Variants in LRIG1 observed in about 807,000 individuals in gnomAD.
LRIG1 encodes leucine-rich repeats and immunoglobulin-like domains protein 1.
A neutral mutation model predicts 99.2 loss-of-function variants in LRIG1; 48 were observed. The ratio of observed to expected loss-of-function variants is 0.48; its 90% CI spans 0.38 to 0.62. The LOEUF (loss-of-function observed/expected upper bound fraction) is 0.62, where lower values mean the gene tolerates loss of function less well. LRIG1 is among the 20% of genes least tolerant of loss of function. The probability of loss-of-function intolerance (pLI) is 0.00; values close to 1 mark genes in which losing one functional copy is unlikely to be tolerated. For missense variants in LRIG1, 1,646 were observed against 1,434.4 expected (o/e 1.15, Z -2.38); for synonymous variants, 772 against 596.1 (o/e 1.29, Z -4.30).
intron 7 of LRIG1, chr3:66,409,899 G>T (rs1702408335): frequency 6.6e-6 from 3 of 457,986 alleles, no homozygotes; most frequent in East Asian, 7.2e-5. Context: ...GCTACTCCTG[G>T]AGCCCCTGCT....
At chr3:66,464,740 C>G (rs559097138) in intron 1 of LRIG1, among the ~76,000 whole-genome samples, 10 of 152,310 alleles carry the variant, frequency 6.6e-5, no homozygotes, top group Admixed American at 5.2e-4. Context: ...ACTTCCCTCA[C>G]TTCCCACCCA....
At chr3:66,479,346 G>A (rs1700796697) in intron 1 of LRIG1, among the ~76,000 whole-genome samples, 1 of 152,152 alleles carries the variant, frequency 6.6e-6, no homozygotes, top group Non-Finnish European at 1.5e-5. Flanking sequence ...CCCCTAGAGC[G>A]TCTGTAGTCT....
Position 66,379,153 on chromosome 3 carries a change from C to T in LRIG1, c.*1110G>A, listed in dbSNP as rs1700875476. On this transcript the variant is annotated 3_prime_UTR_variant, in exon 19 of 19. Coordinates refer to ENST00000273261, the MANE Select transcript of LRIG1 (RefSeq NM_015541.3). ...TCTATTTAAGTTTTACTAAATGACA[C>T]ATTGGCACTCATAAGATGGTTAGCT... The T allele has an allele frequency of 6.6e-6, 1 of 152,612 alleles. No individual in the cohort carries two copies. The highest frequency in any genetic ancestry group is 1.9e-4 in the East Asian group (1 of 5,184). 9.5% of individuals were successfully genotyped at this position (152,612 alleles called of 1,614,324 possible).
At chr3:66,395,694 G>A (rs974704934) in intron 11 of LRIG1, among the ~76,000 whole-genome samples, 45 of 152,220 alleles carry the variant, frequency 3.0e-4, no homozygotes, top group African/African-American at 9.9e-4. Context: ...TGCAGGTGGC[G>A]GAAGGGCTGT....
intron 1 of LRIG1, among the ~76,000 whole-genome samples, chr3:66,496,104 G>T (rs528081499): frequency 1.3e-5 from 2 of 152,322 alleles, no homozygotes; most frequent in East Asian, 3.9e-4. Flanking sequence ...TCTGAAGATG[G>T]TTCCGAGAAT....
At position 66,415,061 on chromosome 3, in the gene LRIG1, T is replaced by C. The variant is rs1376266457; in HGVS notation, c.506A>G (p.Asn169Ser). 28 of 1,593,972 alleles carry C rather than the reference T, an allele frequency of 1.8e-5. No homozygotes were observed. Among genetic ancestry groups the C allele is most frequent in the Non-Finnish European group, 2.3e-5 (27 of 1,171,732 alleles). The stretch of plus-strand genomic sequence containing the variant: ...GGTGCCAATCCGATTGCCTGCCAGG[T>C]TGCTGGAATGATTCAGAAAAGAAAA... ...FPHGPPIKEL[N>S]LAGNRIGTLE... The change falls in exon 5 of 19, where the codon AAC (asparagine) becomes AGC (serine). Residue 169 changes from asparagine to serine, a missense_variant and splice_region_variant. Coordinates refer to ENST00000273261, the MANE Select transcript of LRIG1 (RefSeq NM_015541.3).
intron 1 of LRIG1, among the ~76,000 whole-genome samples, chr3:66,463,048 G>A (rs1700392060): frequency 6.6e-6 from 1 of 152,106 alleles, no homozygotes; most frequent in Admixed American, 6.6e-5. Flanking sequence ...GGAGTGGGGG[G>A]TGTTACTGGC....
intron 1 of LRIG1, among the ~76,000 whole-genome samples, chr3:66,499,154 C>A (rs941027237): frequency 6.6e-6 from 1 of 152,222 alleles, no homozygotes; most frequent in South Asian, 2.1e-4. Context: ...TTGACTCATG[C>A]ACCAGATTTG....
chr3:66,500,654 G>T lies in LRIG1; in HGVS notation c.-247C>A. 1 of 291,594 alleles carries T rather than the reference G, an allele frequency of 3.4e-6. No individual in the cohort carries two copies. The highest frequency in any genetic ancestry group is 6.3e-6 in the Non-Finnish European group (1 of 158,260). The allele number at this position is 291,594 out of a possible 1,614,324, so 18.1% of individuals were successfully genotyped here. On this transcript the variant is annotated 5_prime_UTR_variant, in exon 1 of 19. Transcript: ENST00000273261. ...CATCCGGGCCGGCCGGCCCGCCCGC[G>T]CTAGCTGCGAACTCCGCCGATTCGG...
chr3:66,430,078 T>C (rs10702618), intron 3 of LRIG1, among the ~76,000 whole-genome samples: 26,982 of 152,090 alleles, frequency 0.18, 2,503 homozygotes, highest in Admixed American at 0.25. Flanking sequence ...TCAATATTTG[T>C]TGAATAAACA....
intron 2 of LRIG1, among the ~76,000 whole-genome samples, chr3:66,458,017 G>GT: frequency 6.6e-6 from 1 of 152,396 alleles, no homozygotes; most frequent in South Asian, 2.1e-4. Flanking sequence ...GGTTAGCACA[G>GT]GTTTTGAGTT....
At chr3:66,421,097 C>A (rs1443674733) in intron 3 of LRIG1, among the ~76,000 whole-genome samples, 2 of 152,168 alleles carry the variant, frequency 1.3e-5, no homozygotes, top group African/African-American at 4.8e-5. Context: ...ACTCAATCAC[C>A]TCCCACTGGG....
At chr3:66,446,012 G>T (rs1703705076) in intron 3 of LRIG1, among the ~76,000 whole-genome samples, 1 of 152,196 alleles carries the variant, frequency 6.6e-6, no homozygotes, top group Admixed American at 6.5e-5. Flanking sequence ...CTGAGCTGCA[G>T]CAGATCACAG....
At chr3:66,474,440 G>A (rs144418781) in intron 1 of LRIG1, among the ~76,000 whole-genome samples, 2 of 151,182 alleles carry the variant, frequency 1.3e-5, no homozygotes, top group African/African-American at 4.9e-5. Context: ...CTGCCTCCCT[G>A]GTTCAAGTGA....
chr3:66,412,228 G>A (rs1702489660), intron 6 of LRIG1, among the ~76,000 whole-genome samples: 1 of 152,140 alleles, frequency 6.6e-6, no homozygotes, highest in South Asian at 2.1e-4. Context: ...AACCTCCTAA[G>A]ATGAGCTCTA....
chr3:66,433,455 C>G (rs1703245863), intron 3 of LRIG1, among the ~76,000 whole-genome samples: 1 of 152,226 alleles, frequency 6.6e-6, no homozygotes, highest in South Asian at 2.1e-4. Flanking sequence ...ATTCACATGC[C>G]AGCTTCCTGA....
intron 3 of LRIG1, among the ~76,000 whole-genome samples, chr3:66,431,001 C>T (rs1041273643): frequency 5.3e-5 from 8 of 152,076 alleles, no homozygotes; most frequent in East Asian, 1.9e-4. Context: ...TCCACCACAC[C>T]GAGACCCCGC....
rs540256847 is a variant in LRIG1 at position 66,475,391 on chromosome 3, G to T, written c.219-12882C>A. On this transcript the variant is annotated intron_variant, in intron 1 of 18. Coordinates refer to ENST00000273261, the MANE Select transcript of LRIG1 (RefSeq NM_015541.3). ...TGAGATATAGGGAACCAAACAAAAG[G>T]TGGTGGTTGGGGGTGAGAGCAGTTT... Among the ~76,000 whole-genome samples, 196 of 152,180 alleles carry T rather than the reference G, an allele frequency of 1.3e-3. 1 individual carries two copies. Among genetic ancestry groups the T allele is most frequent in the Non-Finnish European group, 2.3e-3 (157 of 68,034 alleles).
intron 13 of LRIG1, among the ~76,000 whole-genome samples, chr3:66,384,829 C>A (rs1326562277): frequency 6.6e-6 from 1 of 152,170 alleles, no homozygotes; most frequent in Non-Finnish European, 1.5e-5. Context: ...GCCTAAAGAT[C>A]GATGTCCTGA....
Sources: allele counts gnomAD v4.1 joint callset (sites outside exome capture counted in the v4.1 genomes callset), GRCh38; gene constraint gnomAD v4.1.1; transcripts MANE v1.5; gene names NCBI Gene and HGNC (gene_info 2026-07-23, HGNC 2026-07-21).